Variants in PIEZO2 observed in about 807,000 individuals in gnomAD.
PIEZO2 encodes the protein piezo-type mechanosensitive ion channel component 2.
In PIEZO2, 172 loss-of-function variants were observed where a neutral mutation model predicts 337.3. The observed-to-expected ratio is 0.51, with a 90% CI of 0.45 to 0.58. PIEZO2 has a LOEUF of 0.58. Ranked by LOEUF, PIEZO2 falls within the 20% of genes least tolerant of loss-of-function variation. PIEZO2 has a pLI of 0.00. For synonymous variants in PIEZO2, 1,251 were observed against 1,228.5 expected (o/e 1.02, Z -0.38); for missense variants, 3,028 against 3,391.3 (o/e 0.89, Z 2.66).
chr18:11,030,362 T>C lies in PIEZO2; in HGVS notation c.160+35765A>G, dbSNP rs143189838. 5.0e-4 allele frequency among the ~76,000 whole-genome samples: 76 copies of C among 152,308 alleles called. 2 individuals are homozygous for C. In the East Asian group the frequency reaches 0.014, roughly 29 times the overall value. ...AAGAAAAGAGAGTATTGCTTTTTAT[T>C]ATTCTCTATAAAACCAAAGTTTGGA... On this transcript the variant is annotated intron_variant, in intron 2 of 55. Coordinates refer to ENST00000674853, the MANE Select transcript of PIEZO2 (RefSeq NM_001378183.1).
At chr18:10,725,412 A>T in intron 36 of PIEZO2, 1 of 1,604,056 alleles carries the variant, frequency 6.2e-7, no homozygotes, top group Non-Finnish European at 8.5e-7. Flanking sequence ...GGTCAACCTG[A>T]CCAGAGCCCG....
chr18:10,725,344 G>A, intron 36 of PIEZO2: 1 of 1,605,620 alleles, frequency 6.2e-7, no homozygotes, highest in South Asian at 1.1e-5. Flanking sequence ...GTGCAGCTGA[G>A]TGAAGACCTG....
chr18:11,147,213 C>G (rs1329979048), intron 1 of PIEZO2, among the ~76,000 whole-genome samples: 1 of 152,070 alleles, frequency 6.6e-6, no homozygotes, highest in Non-Finnish European at 1.5e-5. Flanking sequence ...GAGACTAGAC[C>G]CCTGCAAAAT....
intron 38 of PIEZO2, 141 bp downstream of exon 38, chr18:10,715,509 T>C: frequency 4.4e-6 from 3 of 679,166 alleles, no homozygotes; most frequent in Non-Finnish European, 6.8e-6. Context: ...TAGATTTAAA[T>C]ATACAGAAAA....
intron 18 of PIEZO2, among the ~76,000 whole-genome samples, chr18:10,779,468 A>C (rs1241553319): frequency 6.6e-6 from 1 of 152,224 alleles, no homozygotes; most frequent in African/African-American, 2.4e-5. Context: ...GACATTTATC[A>C]AAACTTGCTT....
intron 2 of PIEZO2, among the ~76,000 whole-genome samples, chr18:11,045,295 CAAAAAAAAAAA>C (rs58924653): frequency 3.8e-5 from 2 of 52,340 alleles, no homozygotes; most frequent in East Asian, 9.1e-4. Flanking sequence ...GACTCCGTCT[CAAAAAAAAAAA>C]AAAAAAAAAA....
chr18:11,066,248 T>A, intron 1 of PIEZO2, 26 bp from the exon 2 acceptor site: 1 of 1,511,576 alleles, frequency 6.6e-7, no homozygotes, highest in South Asian at 1.2e-5. Context: ...GAGAAGAGAG[T>A]GAGAAGATCA....
rs1435724113 is a variant in PIEZO2, at chr18:11,097,498, G to A, written c.65-31276C>T. Among the ~76,000 whole-genome samples the A allele has an allele frequency of 6.6e-6, 1 of 152,178 alleles. No individual in the cohort carries two copies. The highest frequency in any genetic ancestry group is 1.5e-5 in the Non-Finnish European group (1 of 68,038). The stretch of plus-strand genomic sequence containing the variant: ...TTACTACAGAGAAAGCCCTGAACTG[G>A]GGAGCCCTCTGACCAGAAAACACAG... On this transcript the variant is annotated intron_variant, in intron 1 of 55. Coordinates refer to ENST00000674853, the MANE Select transcript of PIEZO2 (RefSeq NM_001378183.1). The surrounding 1 kb of genome is among the most constrained non-coding windows in gnomAD (Gnocchi z 5.0).
At chr18:10,873,705 T>C (rs1020407570) in intron 4 of PIEZO2, among the ~76,000 whole-genome samples, 1 of 151,844 alleles carries the variant, frequency 6.6e-6, no homozygotes, top group Non-Finnish European at 1.5e-5. Flanking sequence ...TAAAACTTAA[T>C]TAAAGAGTCT....
At chr18:11,136,088 C>A (rs576409998) in intron 1 of PIEZO2, among the ~76,000 whole-genome samples, 1 of 152,304 alleles carries the variant, frequency 6.6e-6, no homozygotes, top group Admixed American at 6.5e-5. Context: ...TGTGTCACAT[C>A]TTTTAAAATA....
Position 10,671,674 on chromosome 18 carries a change from C to T in PIEZO2, c.8451G>A (p.Val2817=), listed in dbSNP as rs1214982309. ...HSIMFEELPN[V]DRILKLCTDI... ...CTGTGCACAACTTCAAAATTCGATC[C>T]ACATTTGGAAGCTCTTCAAACATGA... The change falls in exon 56 of 56, where the codon GTG becomes GTA. Residue 2817 remains valine (V), a synonymous_variant. Coordinates refer to ENST00000674853, the MANE Select transcript of PIEZO2 (RefSeq NM_001378183.1). 1.9e-6 allele frequency: 3 copies of T among 1,613,930 alleles called. No homozygotes were observed. The highest frequency in any genetic ancestry group is 2.2e-5 in the East Asian group (1 of 44,840).
Position 11,000,692 on chromosome 18 carries a change from C to T in PIEZO2, c.161-21032G>A, listed in dbSNP as rs554533351. 5.9e-5 allele frequency among the ~76,000 whole-genome samples: 9 copies of T among 152,270 alleles called. No homozygotes were observed. The South Asian group carries it at 1.7e-3, about 28-fold the overall frequency. On this transcript the variant is annotated intron_variant, in intron 2 of 55. Transcript: ENST00000674853. ...GTATCTGACATTTGGGTATGTGTAC[C>T]TTGTAATATCAGTGTCTGTCCTAGG...
At chr18:11,026,040 C>T (rs576351328) in intron 2 of PIEZO2, among the ~76,000 whole-genome samples, 4 of 152,204 alleles carry the variant, frequency 2.6e-5, no homozygotes, top group Admixed American at 2.0e-4. Context: ...AAGTAGGAAG[C>T]GAAGATCATC....
At chr18:11,136,495 C>A (rs1172206370) in intron 1 of PIEZO2, among the ~76,000 whole-genome samples, 1 of 152,266 alleles carries the variant, frequency 6.6e-6, no homozygotes, top group African/African-American at 2.4e-5. Flanking sequence ...GCCTGCAATG[C>A]AAGCCTGGCT....
chr18:10,774,139 A>C (rs759355155), intron 18 of PIEZO2, 101 bp from the exon 19 acceptor site: 4 of 683,610 alleles, frequency 5.9e-6, no homozygotes, highest in Non-Finnish European at 8.0e-6. Flanking sequence ...ATCATCCACT[A>C]TTGCATTCCT....
chr18:10,913,418 G>A (rs570964541), intron 3 of PIEZO2, among the ~76,000 whole-genome samples: 62 of 152,262 alleles, frequency 4.1e-4, no homozygotes, highest in East Asian at 4.0e-3. Context: ...ACGGTGAGGA[G>A]GTTGAGATGC....
intron 7 of PIEZO2, among the ~76,000 whole-genome samples, chr18:10,808,333 C>A (rs1255760656): frequency 2.0e-5 from 3 of 152,192 alleles, no homozygotes; most frequent in Non-Finnish European, 1.5e-5. Flanking sequence ...CTCAAGTGAT[C>A]CTCCCAAGTT....
rs1391051797 is a variant in PIEZO2 at position 10,894,939 on chromosome 18, A to C, written c.329+16247T>G. ...GCAGCTCGGGATACCTGCCACCACT[A>C]ACATTTTGATGTTAGATGTCTGCAG... On this transcript the variant is annotated intron_variant, in intron 4 of 55. Coordinates refer to ENST00000674853, the MANE Select transcript of PIEZO2 (RefSeq NM_001378183.1). The surrounding 1 kb of genome is among the most constrained non-coding windows in gnomAD (Gnocchi z 4.1). 6.6e-6 allele frequency: 1 copy of C among 152,252 alleles called. No homozygotes were observed. Among genetic ancestry groups the C allele is most frequent in the East Asian group, 1.9e-4 (1 of 5,194 alleles). The allele number at this position is 152,252 out of a possible 1,614,324, so 9.4% of individuals were successfully genotyped here. A position where few individuals can be genotyped will look rare whatever the true frequency, so the allele number is the denominator to read the frequency against.
At chr18:10,958,458 T>C (rs552349111) in intron 3 of PIEZO2, among the ~76,000 whole-genome samples, 41 of 152,298 alleles carry the variant, frequency 2.7e-4, no homozygotes, top group African/African-American at 9.6e-4. Context: ...ACTAAGTGTT[T>C]GCAATCTATT....
Sources: allele counts gnomAD v4.1 joint callset (sites outside exome capture counted in the v4.1 genomes callset), GRCh38; gene constraint gnomAD v4.1.1; non-coding constraint Gnocchi (gnomAD v3.1); transcripts MANE v1.5; gene names NCBI Gene and HGNC (gene_info 2026-07-23, HGNC 2026-07-21).